The following KIAA0825 variants were observed in gnomAD, a reference collection of about 807,000 sequenced individuals.
KIAA0825 encodes KIAA0825.
Under a neutral mutation model 147.6 loss-of-function variants are expected in KIAA0825, and 119 were observed. The observed-to-expected ratio is 0.81, with a 90% CI of 0.69 to 0.94. The LOEUF (loss-of-function observed/expected upper bound fraction) is 0.94. Among genes scored for constraint, KIAA0825 ranks in the 40% least tolerant of loss-of-function variants. The pLI is 0.00. For synonymous variants in KIAA0825, 470 were observed against 518.1 expected (o/e 0.91, Z 1.26); for missense variants, 1,381 against 1,472.7 (o/e 0.94, Z 1.02).
At chr5:94,484,264 T>C (rs1762795450) in intron 6 of KIAA0825, among the ~76,000 whole-genome samples, 1 of 151,822 alleles carries the variant, frequency 6.6e-6, no homozygotes, top group Non-Finnish European at 1.5e-5. Flanking sequence ...TTCACTGTCA[T>C]TTAATTCTCA....
intron 1 of KIAA0825, among the ~76,000 whole-genome samples, chr5:94,614,391 G>A (rs1455811595): frequency 6.6e-6 from 1 of 152,074 alleles, no homozygotes; most frequent in Non-Finnish European, 1.5e-5. Flanking sequence ...GAAAACAAAT[G>A]CCAACTCCAT....
chr5:94,252,488 G>C (rs1359382016), intron 20 of KIAA0825, among the ~76,000 whole-genome samples: 1 of 151,822 alleles, frequency 6.6e-6, no homozygotes, highest in East Asian at 1.9e-4. Context: ...GAGTGAGTGA[G>C]TGTATTTTAA....
intron 13 of KIAA0825, among the ~76,000 whole-genome samples, chr5:94,445,648 C>T (rs1417292203): frequency 6.6e-6 from 1 of 152,144 alleles, no homozygotes; most frequent in Non-Finnish European, 1.5e-5. Flanking sequence ...TAGCTGTTTC[C>T]TATCATCACA....
At chr5:94,225,603 A>T (rs1057462114) in intron 20 of KIAA0825, among the ~76,000 whole-genome samples, 1 of 152,196 alleles carries the variant, frequency 6.6e-6, no homozygotes, top group Non-Finnish European at 1.5e-5. Context: ...CTACTATATA[A>T]GGATACAAAG....
rs1772149431 is a variant in KIAA0825 at position 94,205,859 on chromosome 5, A to G, written c.3711-51735T>C. Among the ~76,000 whole-genome samples the G allele has an allele frequency of 2.0e-5, 3 of 152,186 alleles. No individual in the cohort carries two copies. The South Asian group carries it at 6.2e-4, about 31-fold the overall frequency. On this transcript the variant is annotated intron_variant, in intron 20 of 20. Coordinates refer to ENST00000682413, the MANE Select transcript of KIAA0825 (RefSeq NM_001145678.3). ...TGCCCATATAATTTTATCCTTAGAG[A>G]ACAAAGAAACTGTATTAGCATATGT...
intron 20 of KIAA0825, among the ~76,000 whole-genome samples, chr5:94,319,046 A>G (rs1198826646): frequency 6.6e-6 from 1 of 151,870 alleles, no homozygotes; most frequent in East Asian, 1.9e-4. Context: ...GATATTGATG[A>G]GAGATAAAGG....
At position 94,396,507 on chromosome 5, in the gene KIAA0825, A is replaced by G; in HGVS notation, c.2890T>C (p.Phe964Leu). Residue 964 changes from phenylalanine to leucine, a missense_variant and splice_region_variant, in exon 17 of 21, where the codon TTC (phenylalanine) becomes CTC (leucine). By Grantham distance (22) the Phe-to-Leu change is conservative. Coordinates refer to ENST00000682413, the MANE Select transcript of KIAA0825 (RefSeq NM_001145678.3). ...ETNRKESCKS[F>L]TRLTAQAVSI... ...ACTGCCTGAGCAGTAAGCCTTGTGA[A>G]GCCTGGGGAAGAAAAGAAAAGGTAT... 1 of 1,473,366 alleles carries G rather than the reference A, an allele frequency of 6.8e-7. No individual in the cohort carries two copies. The highest frequency in any genetic ancestry group is 9.0e-7 in the Non-Finnish European group (1 of 1,114,020). 91.3% of individuals were successfully genotyped at this position (1,473,366 alleles called of 1,614,324 possible).
chr5:94,288,256 G>A (rs1316721939), intron 20 of KIAA0825, among the ~76,000 whole-genome samples: 1 of 152,056 alleles, frequency 6.6e-6, no homozygotes, highest in Non-Finnish European at 1.5e-5. Flanking sequence ...AAGCCCTCAA[G>A]TGTTCACCAT....
intron 20 of KIAA0825, among the ~76,000 whole-genome samples, chr5:94,251,060 C>A (rs1378792929): frequency 6.6e-6 from 1 of 151,988 alleles, no homozygotes; most frequent in Admixed American, 6.6e-5. Flanking sequence ...ATGGACGAAC[C>A]AATTAGACAT....
chr5:94,491,460 G>A (rs1179105954), intron 5 of KIAA0825, among the ~76,000 whole-genome samples: 1 of 152,156 alleles, frequency 6.6e-6, no homozygotes, highest in Non-Finnish European at 1.5e-5. Context: ...GCAGTGGTCT[G>A]AAGAAGCACT....
At chr5:94,467,469 T>G (rs1310290539) in intron 10 of KIAA0825, among the ~76,000 whole-genome samples, 1 of 152,344 alleles carries the variant, frequency 6.6e-6, no homozygotes, top group African/African-American at 2.4e-5. Flanking sequence ...ATTCTTTGAC[T>G]ATTGGAAAAC....
At chr5:94,242,460 AC>A (rs1390792169) in intron 20 of KIAA0825, among the ~76,000 whole-genome samples, 2 of 151,686 alleles carry the variant, frequency 1.3e-5, no homozygotes, top group African/African-American at 4.8e-5. Flanking sequence ...CACTCTTCCC[AC>A]CCCAGACCTC....
chr5:94,574,543 C>CAAAAA (rs1181241238), intron 2 of KIAA0825, among the ~76,000 whole-genome samples: 27 of 65,504 alleles, frequency 4.1e-4, no homozygotes, highest in South Asian at 1.5e-3. Flanking sequence ...GACTCCATCT[C>CAAAAA]AAAAAAAAAA....
intron 20 of KIAA0825, among the ~76,000 whole-genome samples, chr5:94,259,031 T>C (rs990659730): frequency 6.6e-6 from 1 of 151,992 alleles, no homozygotes; most frequent in African/African-American, 2.4e-5. Context: ...CCCCTTTTAG[T>C]AAAGTATGCA....
chr5:94,184,695 A>G (rs1047958970), intron 20 of KIAA0825, among the ~76,000 whole-genome samples: 1 of 152,236 alleles, frequency 6.6e-6, no homozygotes, highest in Non-Finnish European at 1.5e-5. Context: ...ATGAAAATGC[A>G]TATATTTATA....
At chr5:94,589,219 T>A (rs1316528381) in intron 1 of KIAA0825, among the ~76,000 whole-genome samples, 1 of 152,152 alleles carries the variant, frequency 6.6e-6, no homozygotes, top group Non-Finnish European at 1.5e-5. Context: ...AAACATGGGT[T>A]CTGATTAAGT....
intron 20 of KIAA0825, among the ~76,000 whole-genome samples, chr5:94,364,627 C>T (rs1745573486): frequency 6.6e-6 from 1 of 151,950 alleles, no homozygotes; most frequent in African/African-American, 2.4e-5. Flanking sequence ...CGTGATCCAC[C>T]TGCCTTGGCC....
At chr5:94,197,705 T>G (rs1249584779) in intron 20 of KIAA0825, among the ~76,000 whole-genome samples, 1 of 152,230 alleles carries the variant, frequency 6.6e-6, no homozygotes, top group Non-Finnish European at 1.5e-5. Context: ...TAGCCGGTTA[T>G]CCCAGCACCA....
chr5:94,605,734 C>T (rs1458865668), intron 1 of KIAA0825, among the ~76,000 whole-genome samples: 1 of 152,126 alleles, frequency 6.6e-6, no homozygotes, highest in Non-Finnish European at 1.5e-5. Context: ...GTTAAAAACT[C>T]TCAATAAACA....
Sources: gnomAD v4.1 joint callset for allele counts (sites outside exome capture counted in the v4.1 genomes callset) on GRCh38, gnomAD v4.1.1 for gene constraint, MANE v1.5 for transcripts, NCBI Gene and HGNC (gene_info 2026-07-23, HGNC 2026-07-21) for gene names.